Variants in TUSC3 observed in about 807,000 individuals in gnomAD.
TUSC3 encodes the protein dolichyl-diphosphooligosaccharide--protein glycosyltransferase subunit TUSC3.
Under a neutral mutation model 44.8 loss-of-function variants are expected in TUSC3, and 45 were observed. That is an observed-to-expected ratio of 1.00 (90% CI 0.79 to 1.29). The LOEUF (loss-of-function observed/expected upper bound fraction) is 1.29, where lower values mean the gene tolerates loss of function less well. Among genes scored for constraint, TUSC3 ranks in the 50% most tolerant of loss-of-function variants. TUSC3 has a pLI of 0.00. For missense variants in TUSC3, 519 were observed against 437.9 expected (o/e 1.19, Z -1.65); for synonymous variants, 212 against 152.9 (o/e 1.39, Z -2.85).
At chr8:15,682,019 C>A (rs1211058743) in intron 6 of TUSC3, among the ~76,000 whole-genome samples, 1 of 152,050 alleles carries the variant, frequency 6.6e-6, no homozygotes, top group East Asian at 1.9e-4. Context: ...CCACTGTGAT[C>A]TGAGAATATG....
the TUSC3 span, among the ~76,000 whole-genome samples, chr8:15,810,690 A>G: frequency 6.6e-6 from 1 of 152,112 alleles, no homozygotes; most frequent in Non-Finnish European, 1.5e-5. Context: ...ATCCCCAAAT[A>G]TATTTCTTTG....
chr8:15,597,548 A>G (rs1804122083), intron 1 of TUSC3, among the ~76,000 whole-genome samples: 1 of 152,146 alleles, frequency 6.6e-6, no homozygotes, highest in Non-Finnish European at 1.5e-5. Context: ...ATTTTTTAAG[A>G]GAATCAAGCC....
chr8:15,611,656 G>A (rs1804766011), intron 1 of TUSC3, among the ~76,000 whole-genome samples: 1 of 152,116 alleles, frequency 6.6e-6, no homozygotes, highest in Non-Finnish European at 1.5e-5. Flanking sequence ...TAAAAATGGT[G>A]TATTTGTTTA....
intron 1 of TUSC3, among the ~76,000 whole-genome samples, chr8:15,469,842 G>C (rs1800461568): frequency 6.6e-6 from 1 of 152,196 alleles, no homozygotes; most frequent in Non-Finnish European, 1.5e-5. Flanking sequence ...GCCATGAAAA[G>C]ACAGGGAAGA....
At chr8:15,599,024 C>T (rs1039980383) in intron 1 of TUSC3, among the ~76,000 whole-genome samples, 2 of 151,832 alleles carry the variant, frequency 1.3e-5, no homozygotes, top group East Asian at 3.9e-4. Flanking sequence ...GCCAAACCAT[C>T]TTGCAAAGTG....
chr8:15,542,188 G>A (rs1250803828), intron 1 of TUSC3, among the ~76,000 whole-genome samples: 1 of 152,008 alleles, frequency 6.6e-6, no homozygotes, highest in Non-Finnish European at 1.5e-5. Context: ...CAAAGGGGGA[G>A]GGGCATCCAG....
chr8:15,680,834 G>T (rs1324035294), intron 6 of TUSC3, among the ~76,000 whole-genome samples: 1 of 152,052 alleles, frequency 6.6e-6, no homozygotes, highest in Non-Finnish European at 1.5e-5. Flanking sequence ...TGTGCCTATT[G>T]TGATGATATG....
At chr8:15,770,867 C>G (rs779294766), downstream of TUSC3, among the ~76,000 whole-genome samples, 4 of 152,066 alleles carry the variant, frequency 2.6e-5, no homozygotes, top group African/African-American at 9.7e-5. Context: ...AAATAATGTT[C>G]AAACTTACCA....
At chr8:15,768,470 C>T (rs923922846), downstream of TUSC3, among the ~76,000 whole-genome samples, 11 of 151,972 alleles carry the variant, frequency 7.2e-5, no homozygotes, top group Admixed American at 2.0e-4. Context: ...AGAAACTGAC[C>T]CTGAGGCAGC....
At chr8:15,518,904 T>G (rs542421509) in intron 2 of TUSC3, among the ~76,000 whole-genome samples, 57 of 152,354 alleles carry the variant, frequency 3.7e-4, no homozygotes, top group African/African-American at 1.3e-3. Context: ...TACTGTTCTT[T>G]CTTCTCTATT....
In TUSC3 at chr8:15,651,709, A is replaced by C. The variant is rs181514114; in HGVS notation, c.426+895A>C. Among the ~76,000 whole-genome samples, 26 of 152,280 alleles carry C rather than the reference A, an allele frequency of 1.7e-4. No homozygotes were observed. The East Asian group carries it at 3.9e-3, about 23-fold the overall frequency. On this transcript the variant is annotated intron_variant, in intron 3 of 10. Coordinates refer to ENST00000503731, the MANE Select transcript of TUSC3 (RefSeq NM_006765.4). ...TGAGTCTTCAGAACTGTGAAAAATA[A>C]ATTTCTGTTGGTTAGGTCACCTACT...
intron 7 of TUSC3, among the ~76,000 whole-genome samples, chr8:15,731,840 T>C (rs1272816660): frequency 1.3e-5 from 2 of 152,214 alleles, no homozygotes; most frequent in Admixed American, 6.5e-5. Flanking sequence ...CAAAGACTTA[T>C]TTGACCCCTT....
At chr8:15,523,658 ATATATATGTGTGTG>A (rs1475118281) in intron 2 of TUSC3, among the ~76,000 whole-genome samples, 5 of 21,324 alleles carry the variant, frequency 2.3e-4, no homozygotes, top group African/African-American at 4.9e-4. Context: ...ATATATATAT[ATATATATGTGTGTG>A]TGTGTGTGTG....
chr8:15,480,059 A>G (rs1023231837), intron 1 of TUSC3, among the ~76,000 whole-genome samples: 1 of 152,190 alleles, frequency 6.6e-6, no homozygotes, highest in Admixed American at 6.5e-5. Context: ...AATTGCTACA[A>G]AGAGAATACA....
Position 15,598,716 on chromosome 8 carries a change from C to G in TUSC3, c.139-24364C>G, listed in dbSNP as rs539263183. On this transcript the variant is annotated intron_variant, in intron 1 of 10. Coordinates refer to ENST00000503731, the MANE Select transcript of TUSC3 (RefSeq NM_006765.4). The stretch of plus-strand genomic sequence containing the variant: ...CAGTATATAGCCTTTTCAGATTGGC[C>G]TCTTTCACTTAGTAATGTACATTTA... Among the ~76,000 whole-genome samples the G allele has an allele frequency of 2.0e-5, 3 of 151,914 alleles. No homozygotes were observed. In the South Asian group the frequency reaches 6.2e-4, roughly 31 times the overall value.
chr8:15,423,680 A>G (rs560099222), intron 1 of TUSC3, among the ~76,000 whole-genome samples: 1 of 152,236 alleles, frequency 6.6e-6, no homozygotes, highest in East Asian at 1.9e-4. Flanking sequence ...TTCTCTCTTG[A>G]TCCTCCTAAA....
At chr8:15,677,619 G>A (rs909265551) in intron 6 of TUSC3, among the ~76,000 whole-genome samples, 1 of 152,178 alleles carries the variant, frequency 6.6e-6, no homozygotes, top group South Asian at 2.1e-4. Flanking sequence ...ATAAATACAG[G>A]GCTGAGAATG....
At chr8:15,782,536 C>T in the TUSC3 span, among the ~76,000 whole-genome samples, 11 of 152,200 alleles carry the variant, frequency 7.2e-5, no homozygotes, top group African/African-American at 2.6e-4. Flanking sequence ...CATTATTCAC[C>T]ATCAAGTGGG....
rs116537595 is a variant in TUSC3, at chr8:15,510,825, G to A, written n.189+27342G>A. Among the ~76,000 whole-genome samples, 733 of 151,926 alleles carry A rather than the reference G, an allele frequency of 4.8e-3. 6 individuals are homozygous for A. The highest frequency in any genetic ancestry group is 0.017 in the African/African-American group (688 of 41,480). ...CTCATGACTATGGACACAAACATTC[G>A]AAACAAAATGTTAGCAAATTTAATT... On this transcript the variant is annotated intron_variant and non_coding_transcript_variant, in intron 2 of 5. Transcript: ENST00000503191.
Sources: gnomAD v4.1 joint callset for allele counts (sites outside exome capture counted in the v4.1 genomes callset) on GRCh38, gnomAD v4.1.1 for gene constraint, MANE v1.5 for transcripts, NCBI Gene and HGNC (gene_info 2026-07-23, HGNC 2026-07-21) for gene names.